CDH4: variants seen among roughly 807,000 people sequenced by gnomAD.
The protein encoded by CDH4 is cadherin-4.
CDH4 carries 33 observed loss-of-function variants against 86.0 expected under a neutral mutation model. The observed-to-expected ratio is 0.38, with a 90% confidence interval of 0.29 to 0.51. The LOEUF is 0.51. Among genes scored for constraint, CDH4 ranks in the 20% least tolerant of loss-of-function variants. CDH4 has a pLI of 0.86. For missense variants in CDH4, 1,114 were observed against 1,307.4 expected (o/e 0.85, Z 2.28); for synonymous variants, 555 against 549.4 (o/e 1.01, Z -0.14).
intron 3 of CDH4, among the ~76,000 whole-genome samples, chr20:61,766,115 C>G (rs2088695390): frequency 6.6e-6 from 1 of 151,888 alleles, no homozygotes; most frequent in African/African-American, 2.4e-5. Context: ...CTGGCAGGCC[C>G]CTCGGTCTGG....
At chr20:61,593,381 G>A (rs1461103302) in intron 2 of CDH4, among the ~76,000 whole-genome samples, 1 of 152,204 alleles carries the variant, frequency 6.6e-6, no homozygotes, top group Non-Finnish European at 1.5e-5. Flanking sequence ...TGGTGGCTGG[G>A]TCATAGGATA....
chr20:61,745,748 A>G (rs1039396229), intron 3 of CDH4, among the ~76,000 whole-genome samples: 8 of 151,896 alleles, frequency 5.3e-5, no homozygotes, highest in African/African-American at 1.9e-4. Context: ...ACAGGCAGGG[A>G]CTTTCATCCC....
chr20:61,275,414 TTTGGGGGAGTA>T, intron 2 of CDH4, among the ~76,000 whole-genome samples: 1 of 50,108 alleles, frequency 2.0e-5, no homozygotes, highest in Non-Finnish European at 3.5e-5. Flanking sequence ...CCATGCACAG[TTTGGGGGAGTA>T]TTGGGGGAGT....
intron 2 of CDH4, among the ~76,000 whole-genome samples, chr20:61,627,042 GAA>G (rs2086835967): frequency 6.6e-6 from 1 of 152,170 alleles, no homozygotes; most frequent in South Asian, 2.1e-4. Flanking sequence ...AGCTTTAGGG[GAA>G]AAGAGTCAGA....
At chr20:61,303,997 G>A (rs992297688) in intron 2 of CDH4, among the ~76,000 whole-genome samples, 8 of 152,134 alleles carry the variant, frequency 5.3e-5, no homozygotes, top group East Asian at 3.9e-4. Context: ...TAACACGGCC[G>A]TAGGGATAGG....
intron 6 of CDH4, among the ~76,000 whole-genome samples, chr20:61,869,406 G>A (rs553288978): frequency 9.2e-5 from 14 of 152,192 alleles, no homozygotes; most frequent in Non-Finnish European, 1.9e-4. Flanking sequence ...ATGTGTGCCC[G>A]CAAAGCCTGA....
intron 6 of CDH4, among the ~76,000 whole-genome samples, chr20:61,865,641 A>G (rs1983513466): frequency 6.7e-6 from 1 of 149,556 alleles, no homozygotes; most frequent in African/African-American, 2.5e-5. Context: ...GTTAGTGTAG[A>G]TGATACCTGG....
rs750664801 is a variant in CDH4, at chr20:61,845,536, G to A, written c.732+713G>A. On this transcript the variant is annotated intron_variant, in intron 5 of 15. Coordinates refer to ENST00000614565, the MANE Select transcript of CDH4 (RefSeq NM_001794.5). ...CTCAGGGTCCAGAGCTGTCCATCAC[G>A]TGTAGGTGAAGGCCTCGCCAGCAGC... Among the ~76,000 whole-genome samples the A allele has an allele frequency of 3.9e-5, 6 of 152,364 alleles. No individual in the cohort carries two copies. The East Asian group carries it at 5.8e-4, about 15-fold the overall frequency.
chr20:61,349,490 A>G (rs2084697585), intron 2 of CDH4, among the ~76,000 whole-genome samples: 1 of 152,208 alleles, frequency 6.6e-6, no homozygotes, highest in South Asian at 2.1e-4. Context: ...GTGAGGGAAA[A>G]TCCTGCAGGT....
chr20:61,620,429 A>T (rs1311436793), intron 2 of CDH4, among the ~76,000 whole-genome samples: 2 of 151,824 alleles, frequency 1.3e-5, no homozygotes, highest in African/African-American at 4.8e-5. Context: ...GGATGGATAG[A>T]TAATAGATGC....
intron 2 of CDH4, among the ~76,000 whole-genome samples, chr20:61,528,468 G>GGGAGGGGGGTGGAGGGGGAGT (rs2085928833): frequency 9.9e-6 from 1 of 100,548 alleles, no homozygotes; most frequent in African/African-American, 3.7e-5. Flanking sequence ...GGAGAGGGAG[G>GGGAGGGGGGTGGAGGGGGAGT]GGGAGGGGGA....
intron 2 of CDH4, among the ~76,000 whole-genome samples, chr20:61,720,868 G>C (rs1242296338): frequency 2.0e-5 from 3 of 152,148 alleles, no homozygotes; most frequent in Non-Finnish European, 4.4e-5. Flanking sequence ...CCTTTGACAT[G>C]AGACAGTAAC....
At chr20:61,522,734 G>A (rs1354828072) in intron 2 of CDH4, among the ~76,000 whole-genome samples, 2 of 128,156 alleles carry the variant, frequency 1.6e-5, no homozygotes, top group African/African-American at 5.3e-5. Context: ...GGAAATGGCC[G>A]CGGGCTGTTG....
Position 61,847,541 on chromosome 20 carries a change from G to A in CDH4, c.732+2718G>A, listed in dbSNP as rs768030780. Among the ~76,000 whole-genome samples the A allele has an allele frequency of 8.5e-5, 13 of 152,352 alleles. 1 individual carries two copies. The highest frequency in any genetic ancestry group is 3.9e-4 in the East Asian group (2 of 5,184). ...TCCTGCCATGCCGTGCAAACATGCC[G>A]TGTAAACATGCGGTGTAAACACGCT... On this transcript the variant is annotated intron_variant, in intron 5 of 15. Coordinates refer to ENST00000614565, the MANE Select transcript of CDH4 (RefSeq NM_001794.5).
chr20:61,459,646 G>A (rs919125957), intron 2 of CDH4, among the ~76,000 whole-genome samples: 9 of 151,264 alleles, frequency 5.9e-5, no homozygotes, highest in Non-Finnish European at 1.0e-4. Context: ...GATGCGGGCT[G>A]ACAAGGCTGA....
intron 2 of CDH4, among the ~76,000 whole-genome samples, chr20:61,634,947 T>C (rs78952859): frequency 0.019 from 2,884 of 152,340 alleles, 36 homozygotes; most frequent in Non-Finnish European, 0.027. Flanking sequence ...AGCATGATAA[T>C]GTTCCGAAGC....
intron 2 of CDH4, among the ~76,000 whole-genome samples, chr20:61,691,291 G>A (rs993605604): frequency 6.6e-6 from 1 of 152,048 alleles, no homozygotes; most frequent in Non-Finnish European, 1.5e-5. Context: ...GTGTGCATAT[G>A]TGTGTGTATG....
At chr20:61,693,248 C>G (rs2087678705) in intron 2 of CDH4, among the ~76,000 whole-genome samples, 1 of 151,978 alleles carries the variant, frequency 6.6e-6, no homozygotes, top group South Asian at 2.1e-4. Context: ...AAGGCCAGTG[C>G]AGGGGGCCAC....
intron 8 of CDH4, among the ~76,000 whole-genome samples, chr20:61,907,627 G>GGCGGCTCAAAACGTGT (rs1433073257): frequency 6.6e-6 from 1 of 152,092 alleles, no homozygotes; most frequent in African/African-American, 2.4e-5. Context: ...CTGACTCCTG[G>GGCGGCTCAAAACGTGT]GCGGCTCAAA....
Sources: gnomAD v4.1 joint callset for allele counts (sites outside exome capture counted in the v4.1 genomes callset) on GRCh38, gnomAD v4.1.1 for gene constraint, MANE v1.5 for transcripts, NCBI Gene and HGNC (gene_info 2026-07-23, HGNC 2026-07-21) for gene names.